The following DOCK3 variants were observed in gnomAD, a reference collection of about 807,000 sequenced individuals.
The protein encoded by DOCK3 is dedicator of cytokinesis protein 3.
A neutral mutation model predicts 265.6 loss-of-function variants in DOCK3; 60 were observed. The ratio of observed to expected loss-of-function variants is 0.23; its 90% CI spans 0.18 to 0.28. The LOEUF (loss-of-function observed/expected upper bound fraction) is 0.28, where lower values mean the gene tolerates loss of function less well. DOCK3 is among the 10% of genes least tolerant of loss of function. DOCK3 has a pLI of 1.00. For synonymous variants in DOCK3, 881 were observed against 938.0 expected (o/e 0.94, Z 1.11); for missense variants, 1,981 against 2,594.3 (o/e 0.76, Z 5.14).
chr3:50,714,081 A>G (rs1200832902), intron 1 of DOCK3, among the ~76,000 whole-genome samples: 1 of 152,066 alleles, frequency 6.6e-6, no homozygotes, highest in African/African-American at 2.4e-5. Flanking sequence ...TGCAGCCTCA[A>G]ACTCCTGGGG....
rs1345393303 is a variant in DOCK3 at position 51,053,078 on chromosome 3, G to GATAGATAT, written c.316-11367_316-11366insGATATATA. ...AGTTTCATCTTTTAAAAAAGTCAAA[G>GATAGATAT]ATATATATATATATATATATATATA... is the stretch of plus-strand genomic sequence containing the variant. On this transcript the variant is annotated intron_variant, in intron 5 of 52. Transcript: ENST00000266037. Among the ~76,000 whole-genome samples, 47 of 43,786 alleles carry GATAGATAT rather than the reference G, an allele frequency of 1.1e-3. 1 individual carries two copies. The highest frequency in any genetic ancestry group is 1.7e-3 in the Non-Finnish European group (39 of 23,560). 28.7% of individuals were successfully genotyped at this position (43,786 alleles called of 152,430 possible).
chr3:50,987,167 G>GT (rs753829805), intron 5 of DOCK3, among the ~76,000 whole-genome samples: 48 of 151,784 alleles, frequency 3.2e-4, no homozygotes, highest in Middle Eastern at 3.4e-3. Flanking sequence ...CACAATACTG[G>GT]TTTTTTTTGC....
At chr3:50,756,365 A>G (rs969818702) in intron 1 of DOCK3, among the ~76,000 whole-genome samples, 2 of 151,980 alleles carry the variant, frequency 1.3e-5, no homozygotes, top group South Asian at 2.1e-4. Flanking sequence ...GGTGTTTTCT[A>G]TGGTTGCCTG....
chr3:51,253,312 G>A (rs2079364472), intron 22 of DOCK3, among the ~76,000 whole-genome samples: 2 of 152,196 alleles, frequency 1.3e-5, no homozygotes, highest in South Asian at 2.1e-4. Flanking sequence ...AGGGATATTG[G>A]TCTAAAATTC....
At chr3:50,884,421 T>C (rs1485424428) in intron 3 of DOCK3, among the ~76,000 whole-genome samples, 2 of 152,212 alleles carry the variant, frequency 1.3e-5, no homozygotes, top group African/African-American at 4.8e-5. Flanking sequence ...TATGAACAGC[T>C]CATTTATTTA....
At chr3:51,350,496 C>A in intron 40 of DOCK3, 104 bp downstream of exon 40, 2 of 1,252,050 alleles carry the variant, frequency 1.6e-6, no homozygotes, top group East Asian at 2.4e-5. Context: ...CTGAATACTT[C>A]TTTACAGAGG....
intron 1 of DOCK3, among the ~76,000 whole-genome samples, chr3:50,702,124 A>C (rs894835400): frequency 2.0e-5 from 3 of 152,192 alleles, no homozygotes; most frequent in Admixed American, 2.0e-4. Context: ...TACTTTAATG[A>C]GGATTGCATT....
At chr3:51,143,709 A>G (rs2085170795) in intron 9 of DOCK3, among the ~76,000 whole-genome samples, 1 of 151,986 alleles carries the variant, frequency 6.6e-6, no homozygotes, top group Admixed American at 6.6e-5. Context: ...TTCTTATTGG[A>G]CATTTTGTAT....
chr3:51,272,574 A>C (rs922140167), intron 24 of DOCK3, among the ~76,000 whole-genome samples: 1 of 151,512 alleles, frequency 6.6e-6, no homozygotes, highest in African/African-American at 2.4e-5. Context: ...GGTGTGAGAC[A>C]CCGCGCCCGG....
chr3:51,108,457 T>A (rs1302558209), intron 9 of DOCK3, among the ~76,000 whole-genome samples: 1 of 152,134 alleles, frequency 6.6e-6, no homozygotes, highest in Non-Finnish European at 1.5e-5. Flanking sequence ...CACAGACCAG[T>A]GACACTATAA....
chr3:51,199,953 A>G (rs1196567160), intron 12 of DOCK3, among the ~76,000 whole-genome samples: 1 of 152,208 alleles, frequency 6.6e-6, no homozygotes, highest in Admixed American at 6.5e-5. Context: ...GCAAACTCCA[A>G]CAGACCTGCA....
In DOCK3 at chr3:50,757,163, C is replaced by CTTTTTTTTTT. The variant is rs34435343; in HGVS notation, c.38-21498_38-21489dup. On this transcript the variant is annotated intron_variant, in intron 1 of 52. Coordinates refer to ENST00000266037, the MANE Select transcript of DOCK3 (RefSeq NM_004947.5). ...CCACTGTGCCCAGTCAGATTGTCGT[C>CTTTTTTTTTT]TTTTTTTTTTTTTTTTTTTTTTTCT... Among the ~76,000 whole-genome samples the CTTTTTTTTTT allele has an allele frequency of 3.7e-5, 3 of 81,628 alleles. 1 individual carries two copies. The highest frequency in any genetic ancestry group is 5.1e-5 in the African/African-American group (1 of 19,794). 53.6% of individuals were successfully genotyped at this position (81,628 alleles called of 152,430 possible). A position where few individuals can be genotyped will look rare whatever the true frequency, so the allele number is the denominator to read the frequency against.
intron 5 of DOCK3, among the ~76,000 whole-genome samples, chr3:50,978,847 G>A (rs2108532742): frequency 6.6e-6 from 1 of 152,326 alleles, no homozygotes; most frequent in South Asian, 2.1e-4. Flanking sequence ...TAATCTTGTG[G>A]TGTGCCGTTT....
At chr3:50,741,738 T>C (rs2039045461) in intron 1 of DOCK3, among the ~76,000 whole-genome samples, 1 of 151,964 alleles carries the variant, frequency 6.6e-6, no homozygotes, top group Non-Finnish European at 1.5e-5. Context: ...TAAACATACG[T>C]GTGCGTGTGT....
chr3:50,716,463 G>T (rs983833090), intron 1 of DOCK3, among the ~76,000 whole-genome samples: 4 of 152,082 alleles, frequency 2.6e-5, no homozygotes, highest in African/African-American at 9.7e-5. Flanking sequence ...AGGAGGTGGA[G>T]CTTGCAGTGA....
In DOCK3 at chr3:50,833,509, C is replaced by G. The variant is rs993999232; in HGVS notation, c.122-8166C>G. Among the ~76,000 whole-genome samples, 5 of 152,000 alleles carry G rather than the reference C, an allele frequency of 3.3e-5. No homozygotes were observed. The South Asian group carries it at 1.0e-3, about 31-fold the overall frequency. ...CTCAGATAAAACTTTTTTTAAAAGC[C>G]AAGCCCAGCCATGGGTTTGTACCCT... On this transcript the variant is annotated intron_variant, in intron 2 of 52. Transcript: ENST00000266037.
intron 27 of DOCK3, among the ~76,000 whole-genome samples, chr3:51,285,548 C>T (rs2081358825): frequency 6.6e-6 from 1 of 151,268 alleles, no homozygotes; most frequent in Admixed American, 6.6e-5. Flanking sequence ...GATTCAGCAG[C>T]AGACTAGATC....
chr3:50,697,355 C>T (rs541801747), intron 1 of DOCK3, among the ~76,000 whole-genome samples: 4 of 151,702 alleles, frequency 2.6e-5, no homozygotes, highest in East Asian at 2.0e-4. Flanking sequence ...TTTGGGAGGC[C>T]GAGGTGGGTG....
At chr3:50,729,530 C>G (rs1452274363) in intron 1 of DOCK3, among the ~76,000 whole-genome samples, 2 of 151,858 alleles carry the variant, frequency 1.3e-5, no homozygotes, top group Non-Finnish European at 2.9e-5. Flanking sequence ...CCAATGCTAT[C>G]CCTCCCTATT....
Sources: allele counts gnomAD v4.1 joint callset (sites outside exome capture counted in the v4.1 genomes callset), GRCh38; gene constraint gnomAD v4.1.1; transcripts MANE v1.5; gene names NCBI Gene and HGNC (gene_info 2026-07-23, HGNC 2026-07-21).